Variants in EPHA6 observed in about 807,000 individuals in gnomAD.
The protein encoded by EPHA6 is ephrin type-A receptor 6.
A neutral mutation model predicts 112.0 loss-of-function variants in EPHA6; 50 were observed. That is an observed-to-expected ratio of 0.45 (90% CI 0.36 to 0.56). The LOEUF (loss-of-function observed/expected upper bound fraction) is 0.56, where lower values mean the gene tolerates loss of function less well. Among genes scored for constraint, EPHA6 ranks in the 20% least tolerant of loss-of-function variants. EPHA6 has a pLI of 0.00. For synonymous variants in EPHA6, 529 were observed against 490.7 expected (o/e 1.08, Z -1.03); for missense variants, 1,280 against 1,417.4 (o/e 0.90, Z 1.56).
chr3:97,342,425 C>A (rs1345625700), intron 5 of EPHA6, among the ~76,000 whole-genome samples: 1 of 152,154 alleles, frequency 6.6e-6, no homozygotes, highest in Non-Finnish European at 1.5e-5. Flanking sequence ...CAAGCTTAGT[C>A]CAGGCAGCCA....
intron 4 of EPHA6, among the ~76,000 whole-genome samples, chr3:97,238,660 T>C (rs1429136828): frequency 1.3e-5 from 2 of 151,928 alleles, no homozygotes; most frequent in Non-Finnish European, 2.9e-5. Flanking sequence ...GCTATATTTT[T>C]TTCAATACAT....
intron 5 of EPHA6, among the ~76,000 whole-genome samples, chr3:97,286,882 C>G (rs2080483449): frequency 6.6e-6 from 1 of 151,286 alleles, no homozygotes; most frequent in African/African-American, 2.4e-5. Context: ...CATGGGTTGT[C>G]TTTCCATTTG....
At chr3:97,140,167 T>TA (rs1013108432) in intron 3 of EPHA6, among the ~76,000 whole-genome samples, 3 of 151,672 alleles carry the variant, frequency 2.0e-5, no homozygotes, top group South Asian at 4.2e-4. Flanking sequence ...AAAATATATT[T>TA]AAAAAAAATA....
chr3:96,817,089 G>A (rs1176016582), intron 1 of EPHA6, among the ~76,000 whole-genome samples: 7 of 151,954 alleles, frequency 4.6e-5, no homozygotes, highest in Admixed American at 3.9e-4. Context: ...AACACAGGCT[G>A]TGCATAAGAG....
intron 14 of EPHA6, chr3:97,648,571 C>A (rs2094084928): frequency 1.7e-6 from 2 of 1,204,608 alleles, no homozygotes; most frequent in Non-Finnish European, 2.1e-6. Flanking sequence ...TATTTTAACA[C>A]AAGTGAGATC....
intron 3 of EPHA6, among the ~76,000 whole-genome samples, chr3:96,993,057 C>CT (rs1214331224): frequency 6.6e-6 from 1 of 152,132 alleles, no homozygotes; most frequent in African/African-American, 2.4e-5. Flanking sequence ...GTGGAATGCT[C>CT]TGTTTCTTCT....
chr3:97,058,715 A>G (rs1213484755), intron 3 of EPHA6, among the ~76,000 whole-genome samples: 2 of 152,218 alleles, frequency 1.3e-5, no homozygotes, highest in Non-Finnish European at 2.9e-5. Flanking sequence ...TTTCTCCTTA[A>G]TCACTTTTTG....
intron 3 of EPHA6, among the ~76,000 whole-genome samples, chr3:97,118,799 T>C (rs1394397672): frequency 6.6e-6 from 1 of 151,982 alleles, no homozygotes; most frequent in African/African-American, 2.4e-5. Flanking sequence ...ATTGTGAAGA[T>C]TAAGTTAGAA....
intron 1 of EPHA6, among the ~76,000 whole-genome samples, chr3:96,840,553 G>A (rs1276560256): frequency 6.6e-6 from 1 of 151,932 alleles, no homozygotes. Flanking sequence ...AGAGATCTGA[G>A]CAAAAGATGA....
chr3:96,824,683 G>A (rs188313094), intron 1 of EPHA6, among the ~76,000 whole-genome samples: 1 of 151,980 alleles, frequency 6.6e-6, no homozygotes. Flanking sequence ...AAATATCAAA[G>A]TTACATGTAT....
At position 97,053,783 on chromosome 3, in the gene EPHA6, G is replaced by A. The variant is rs541545588; in HGVS notation, c.1114+65790G>A. On this transcript the variant is annotated intron_variant, in intron 3 of 17. Coordinates refer to ENST00000389672, the MANE Select transcript of EPHA6 (RefSeq NM_001080448.3). ...TACATTTATCCGAATGAGGGATCAT[G>A]AGTATCTTCTCAGAGGCAAATTTAC... Among the ~76,000 whole-genome samples the A allele has an allele frequency of 3.9e-5, 6 of 152,208 alleles. No individual in the cohort carries two copies. In the East Asian group the frequency reaches 9.6e-4, roughly 24 times the overall value.
At chr3:97,203,160 C>T (rs1017699424) in intron 3 of EPHA6, among the ~76,000 whole-genome samples, 3 of 152,084 alleles carry the variant, frequency 2.0e-5, no homozygotes, top group Admixed American at 6.6e-5. Context: ...AGAGTCTCTG[C>T]TTCTAAGGTT....
chr3:96,997,861 G>A (rs1175611106), intron 3 of EPHA6, among the ~76,000 whole-genome samples: 1 of 151,954 alleles, frequency 6.6e-6, no homozygotes, highest in African/African-American at 2.4e-5. Flanking sequence ...CTTGATGCAA[G>A]GTTGCCACAA....
intron 3 of EPHA6, among the ~76,000 whole-genome samples, chr3:96,995,984 ATTT>A (rs746861497): frequency 7.0e-4 from 107 of 152,222 alleles, no homozygotes; most frequent in Non-Finnish European, 1.2e-3. Flanking sequence ...GTTTAATATC[ATTT>A]TACCCAGAGT....
At chr3:97,516,838 G>A (rs2092455332) in intron 10 of EPHA6, among the ~76,000 whole-genome samples, 1 of 152,102 alleles carries the variant, frequency 6.6e-6, no homozygotes, top group Non-Finnish European at 1.5e-5. Context: ...TAACATATTG[G>A]AAAATTTCTT....
At position 97,236,477 on chromosome 3, in the gene EPHA6, C is replaced by T. The variant is rs182233685; in HGVS notation, c.1271-7475C>T. 2.6e-3 allele frequency among the ~76,000 whole-genome samples: 401 copies of T among 152,094 alleles called. 3 individuals are homozygous for T. Among genetic ancestry groups the T allele is most frequent in the African/African-American group, 8.7e-3 (360 of 41,518 alleles). ...TATTAAACAGGTGCTGGAAGATTAA[C>T]GCATTTAACAAACATTTACGTTGCC... On this transcript the variant is annotated intron_variant, in intron 4 of 17. Coordinates refer to ENST00000389672, the MANE Select transcript of EPHA6 (RefSeq NM_001080448.3).
At chr3:96,815,137 A>ACATCCTCGATCCCC in intron 1 of EPHA6, 129 bp downstream of exon 1, 4 of 890,574 alleles carry the variant, frequency 4.5e-6, no homozygotes, top group Non-Finnish European at 6.5e-6. Flanking sequence ...ACACGAGGGG[A>ACATCCTCGATCCCC]TCGAGGATGT....
chr3:97,466,272 G>C, intron 7 of EPHA6: 1 of 1,218,498 alleles, frequency 8.2e-7, no homozygotes, highest in Non-Finnish European at 1.2e-6. Context: ...AGTAAGGTTA[G>C]ATAGAAAACA....
At chr3:97,440,603 A>G (rs1318285888) in intron 6 of EPHA6, among the ~76,000 whole-genome samples, 1 of 150,918 alleles carries the variant, frequency 6.6e-6, no homozygotes, top group Non-Finnish European at 1.5e-5. Flanking sequence ...TTTTAATTTT[A>G]TATTAAATAA....
Sources: gnomAD v4.1 joint callset for allele counts (sites outside exome capture counted in the v4.1 genomes callset) on GRCh38, gnomAD v4.1.1 for gene constraint, MANE v1.5 for transcripts, NCBI Gene and HGNC (gene_info 2026-07-23, HGNC 2026-07-21) for gene names.